MARCHF3: variants seen among roughly 807,000 people sequenced by gnomAD.
MARCHF3 encodes E3 ubiquitin-protein ligase MARCHF3.
MARCHF3 carries 13 observed loss-of-function variants against 24.2 expected under a neutral mutation model. The observed-to-expected ratio is 0.54, with a 90% CI of 0.35 to 0.85. The LOEUF is 0.85. Among genes scored for constraint, MARCHF3 ranks in the 40% least tolerant of loss-of-function variants. The pLI is 0.01. For missense variants in MARCHF3, 276 were observed against 325.0 expected, an observed-to-expected ratio of 0.85 and a Z score of 1.16; for synonymous variants, 144 against 137.3, an observed-to-expected ratio of 1.05 and a Z score of -0.34.
intron 1 of MARCHF3, among the ~76,000 whole-genome samples, chr5:126,921,996 C>T (rs148834909): frequency 1.0e-3 from 153 of 152,320 alleles, no homozygotes; most frequent in African/African-American, 3.5e-3. Context: ...GGACAGGGTA[C>T]AGGTTTCACA....
intron 3 of MARCHF3, among the ~76,000 whole-genome samples, chr5:126,897,808 T>C (rs1190144557): frequency 6.6e-6 from 1 of 151,304 alleles, no homozygotes; most frequent in East Asian, 1.9e-4. Flanking sequence ...GCAGGAGGAG[T>C]ATATTAAGGT....
chr5:126,949,332 AC>A (rs1184783910), intron 1 of MARCHF3, among the ~76,000 whole-genome samples: 2 of 152,216 alleles, frequency 1.3e-5, no homozygotes, highest in Non-Finnish European at 2.9e-5. Context: ...ATATGAGGAC[AC>A]CAAATGGCTG....
chr5:126,908,645 C>T (rs142278414), intron 3 of MARCHF3, among the ~76,000 whole-genome samples: 8,228 of 150,438 alleles, frequency 0.055, 437 homozygotes, highest in African/African-American at 0.13. Flanking sequence ...CTTCATGTTG[C>T]TCTCGAGCCT....
chr5:126,870,013 T>TC lies in MARCHF3; in HGVS notation c.*619dup, dbSNP rs1752912056. On this transcript the variant is annotated 3_prime_UTR_variant, in exon 5 of 5. Transcript: ENST00000308660. Reference sequence around the variant, plus strand: ...TCACTGTGTGAGCTCACGCCCTTTTTCCCTTTAAAAACTGAATAATTAAAT... The same window carrying TC: ...TCACTGTGTGAGCTCACGCCCTTTTTCCCCTTTAAAAACTGAATAATTAAAT... The TC allele has an allele frequency of 6.7e-6, 1 of 150,334 alleles. No homozygotes were observed. Among genetic ancestry groups the TC allele is most frequent in the South Asian group, 2.1e-4 (1 of 4,724 alleles). The allele number at this position is 150,334 out of a possible 1,614,324, so 9.3% of individuals were successfully genotyped here. A position where few individuals can be genotyped will look rare whatever the true frequency, so the allele number is the denominator to read the frequency against.
intron 1 of MARCHF3, among the ~76,000 whole-genome samples, chr5:127,027,164 G>A (rs546299816): frequency 2.6e-5 from 4 of 152,248 alleles, no homozygotes; most frequent in Non-Finnish European, 5.9e-5. Context: ...TGAAAGGGGA[G>A]GTAGCAAACA....
chr5:127,013,940 T>C (rs754676319), intron 1 of MARCHF3, among the ~76,000 whole-genome samples: 1 of 152,102 alleles, frequency 6.6e-6, no homozygotes, highest in Non-Finnish European at 1.5e-5. Flanking sequence ...CCTGAAGCTA[T>C]AAAACAACTG....
At chr5:126,946,207 A>G (rs1189612902) in intron 1 of MARCHF3, 1 of 151,942 alleles carries the variant, frequency 6.6e-6, no homozygotes, top group Non-Finnish European at 1.5e-5. Context: ...CCCCATCTCT[A>G]CTGAAAATAC....
At chr5:126,897,211 A>G (rs1197675343) in intron 3 of MARCHF3, among the ~76,000 whole-genome samples, 1 of 151,296 alleles carries the variant, frequency 6.6e-6, no homozygotes, top group Non-Finnish European at 1.5e-5. Flanking sequence ...GGCTAATTTT[A>G]TATTTTTAGT....
At chr5:126,939,188 C>T (rs939961816) in intron 1 of MARCHF3, among the ~76,000 whole-genome samples, 4 of 152,100 alleles carry the variant, frequency 2.6e-5, no homozygotes, top group Admixed American at 2.6e-4. Context: ...AACTTAAATG[C>T]TAGTATTATT....
chr5:127,020,693 A>T (rs1193835593), intron 1 of MARCHF3, among the ~76,000 whole-genome samples: 2 of 152,060 alleles, frequency 1.3e-5, no homozygotes, highest in East Asian at 3.9e-4. Context: ...TCTACAAAAA[A>T]TGGAGAAATT....
intron 3 of MARCHF3, among the ~76,000 whole-genome samples, chr5:126,904,641 G>A (rs1483688277): frequency 5.3e-5 from 8 of 149,600 alleles, no homozygotes; most frequent in East Asian, 2.0e-4. Context: ...CATGTCCTTC[G>A]CCCACTTTTT....
intron 1 of MARCHF3, among the ~76,000 whole-genome samples, chr5:126,984,915 T>C: frequency 6.6e-6 from 1 of 152,188 alleles, no homozygotes; most frequent in Admixed American, 6.5e-5. Context: ...ACTTAAGCTG[T>C]CAGTGAGTGC....
chr5:126,919,733 G>C (rs912778792), intron 1 of MARCHF3, among the ~76,000 whole-genome samples: 3 of 152,228 alleles, frequency 2.0e-5, no homozygotes, highest in Non-Finnish European at 4.4e-5. Context: ...CATCGGACGT[G>C]ATTGTCATCC....
At chr5:127,005,882 GAAAT>G (rs1423316766) in intron 1 of MARCHF3, among the ~76,000 whole-genome samples, 1 of 152,022 alleles carries the variant, frequency 6.6e-6, no homozygotes, top group Non-Finnish European at 1.5e-5. Flanking sequence ...ACAAAAGCAT[GAAAT>G]AAATATAAAA....
In MARCHF3 at chr5:126,943,515, C is replaced by T. The variant is rs1031641565; in HGVS notation, c.-56-25288G>A. Among the ~76,000 whole-genome samples the T allele has an allele frequency of 4.9e-5, 7 of 143,682 alleles. No homozygotes were observed. The Middle Eastern group carries it at 0.013, about 259-fold the overall frequency. 94.3% of individuals were successfully genotyped at this position (143,682 alleles called of 152,430 possible). A position where few individuals can be genotyped will look rare whatever the true frequency, so the allele number is the denominator to read the frequency against. On this transcript the variant is annotated intron_variant, in intron 1 of 4. Transcript: ENST00000308660. Reference sequence around the variant, plus strand: ...GGAGGATCACTTGAGCCCAGGAGGTCGAGGCTGCAGTGTGCTGTGATTGCG... The same window carrying T: ...GGAGGATCACTTGAGCCCAGGAGGTTGAGGCTGCAGTGTGCTGTGATTGCG...
At chr5:126,903,559 G>T (rs1246994170) in intron 3 of MARCHF3, among the ~76,000 whole-genome samples, 2 of 151,894 alleles carry the variant, frequency 1.3e-5, no homozygotes, top group East Asian at 3.8e-4. Context: ...TTACTTCAAT[G>T]AATATTAAAA....
chr5:126,964,365 A>G (rs1389889342), intron 1 of MARCHF3, among the ~76,000 whole-genome samples: 1 of 152,198 alleles, frequency 6.6e-6, no homozygotes, highest in Non-Finnish European at 1.5e-5. Context: ...TTTCTTAATT[A>G]GCTTATTTAT....
intron 3 of MARCHF3, among the ~76,000 whole-genome samples, chr5:126,885,911 TTC>T (rs1645994514): frequency 6.6e-6 from 1 of 151,992 alleles, no homozygotes; most frequent in South Asian, 2.1e-4. Flanking sequence ...ACATCTATTT[TTC>T]CATAGGTCAT....
intron 1 of MARCHF3, among the ~76,000 whole-genome samples, chr5:127,010,563 A>T (rs988704523): frequency 2.6e-5 from 4 of 152,138 alleles, no homozygotes; most frequent in Admixed American, 2.0e-4. Flanking sequence ...TACTGCCAGA[A>T]TGTTCATTCT....
Sources: gnomAD v4.1 joint callset for allele counts (sites outside exome capture counted in the v4.1 genomes callset) on GRCh38, gnomAD v4.1.1 for gene constraint, MANE v1.5 for transcripts, NCBI Gene and HGNC (gene_info 2026-07-23, HGNC 2026-07-21) for gene names.